Variants in ABI3BP observed in about 807,000 individuals in gnomAD.
ABI3BP encodes ABI family member 3 binding protein.
ABI3BP carries 216 observed loss-of-function variants against 268.6 expected under a neutral mutation model. That is an observed-to-expected ratio of 0.80 (90% CI 0.72 to 0.90). The LOEUF (loss-of-function observed/expected upper bound fraction) is 0.90. Among genes scored for constraint, ABI3BP ranks in the 40% least tolerant of loss-of-function variants. The pLI is 0.00. For synonymous variants in ABI3BP, 730 were observed against 730.0 expected (o/e 1.00, Z 0.00); for missense variants, 2,090 against 2,182.4 (o/e 0.96, Z 0.84).
intron 63 of ABI3BP, among the ~76,000 whole-genome samples, chr3:100,760,735 A>G (rs889349197): frequency 6.6e-5 from 10 of 152,196 alleles, no homozygotes; most frequent in Admixed American, 1.3e-4. Context: ...TCGCAGAACT[A>G]AAGCTAATCA....
chr3:100,953,275 C>T (rs2075734121), intron 1 of ABI3BP, among the ~76,000 whole-genome samples: 1 of 152,154 alleles, frequency 6.6e-6, no homozygotes, highest in East Asian at 1.9e-4. Flanking sequence ...CTGTACAATA[C>T]TACTTTGTTA....
At position 100,876,805 on chromosome 3, in the gene ABI3BP, C is replaced by G. The variant is rs1021672225; in HGVS notation, c.697-245G>C. Among the ~76,000 whole-genome samples, 3 of 145,164 alleles carry G rather than the reference C, an allele frequency of 2.1e-5. No individual in the cohort carries two copies. In the South Asian group the frequency reaches 6.8e-4, roughly 33 times the overall value. On this transcript the variant is annotated intron_variant, in intron 6 of 67. Coordinates refer to ENST00000471714, the MANE Select transcript of ABI3BP (RefSeq NM_001375547.2). ...GACCAGCCTGGCCAACATGGTAAAACCCCATCTCTACTAAAAATACAAAAA... is the reference window on the plus strand; with the variant it reads ...GACCAGCCTGGCCAACATGGTAAAAGCCCATCTCTACTAAAAATACAAAAA...
chr3:100,816,204 T>A, intron 43 of ABI3BP: 1 of 497,926 alleles, frequency 2.0e-6, no homozygotes, highest in East Asian at 3.3e-5. Context: ...ATTATCCACA[T>A]GAGGTTTTCC....
At chr3:100,982,450 A>G (rs931036914) in intron 1 of ABI3BP, among the ~76,000 whole-genome samples, 1 of 151,842 alleles carries the variant, frequency 6.6e-6, no homozygotes, top group African/African-American at 2.4e-5. Context: ...TTTGTTAGAG[A>G]AAAAAACCCT....
At chr3:100,889,028 T>C (rs180929824) in intron 4 of ABI3BP, among the ~76,000 whole-genome samples, 20 of 152,228 alleles carry the variant, frequency 1.3e-4, no homozygotes, top group Non-Finnish European at 7.4e-5. Flanking sequence ...TATCTCTAAG[T>C]AACCAATTAT....
chr3:100,904,130 T>C (rs2051940920), intron 2 of ABI3BP, among the ~76,000 whole-genome samples: 1 of 152,184 alleles, frequency 6.6e-6, no homozygotes, highest in Non-Finnish European at 1.5e-5. Context: ...GAGAACCTTA[T>C]ATTCATAACT....
intron 51 of ABI3BP, among the ~76,000 whole-genome samples, chr3:100,797,720 G>A (rs2097391741): frequency 1.3e-5 from 2 of 151,952 alleles, no homozygotes; most frequent in African/African-American, 4.8e-5. Flanking sequence ...CTAAGTATTA[G>A]TGAAATTACA....
chr3:100,953,217 C>T (rs1382302624), intron 1 of ABI3BP, among the ~76,000 whole-genome samples: 2 of 152,148 alleles, frequency 1.3e-5, no homozygotes, highest in Non-Finnish European at 2.9e-5. Context: ...TAATTACCAA[C>T]CTCATTACCT....
At chr3:100,988,826 A>G (rs2092429902) in intron 1 of ABI3BP, among the ~76,000 whole-genome samples, 1 of 152,232 alleles carries the variant, frequency 6.6e-6, no homozygotes, top group African/African-American at 2.4e-5. Flanking sequence ...ATCTTTACAT[A>G]GAGCAGGGAA....
intron 6 of ABI3BP, among the ~76,000 whole-genome samples, chr3:100,877,262 A>C (rs995312541): frequency 2.0e-5 from 3 of 152,170 alleles, no homozygotes; most frequent in Admixed American, 2.0e-4. Context: ...TTTGAAAACC[A>C]ATCAAGATCA....
At chr3:100,963,121 C>A (rs2079753037) in intron 1 of ABI3BP, among the ~76,000 whole-genome samples, 1 of 152,066 alleles carries the variant, frequency 6.6e-6, no homozygotes, top group African/African-American at 2.4e-5. Context: ...CCCATTTAAT[C>A]TTCATTATAG....
chr3:100,755,957 G>A (rs1462317896), intron 63 of ABI3BP, among the ~76,000 whole-genome samples: 1 of 151,772 alleles, frequency 6.6e-6, no homozygotes, highest in Non-Finnish European at 1.5e-5. Context: ...AGTTTGGTAC[G>A]GATGGTACTA....
chr3:100,847,542 G>A (rs1462860931), intron 19 of ABI3BP, 60 bp downstream of exon 19: 5 of 1,379,922 alleles, frequency 3.6e-6, no homozygotes, highest in Non-Finnish European at 3.1e-6. Flanking sequence ...AAAAGCTGGG[G>A]TACTGGATTT....
At chr3:100,791,270 T>C (rs1330586845) in intron 55 of ABI3BP, among the ~76,000 whole-genome samples, 1 of 151,872 alleles carries the variant, frequency 6.6e-6, no homozygotes, top group Non-Finnish European at 1.5e-5. Flanking sequence ...GGTGACACAA[T>C]ATTCTCTTTA....
In ABI3BP at chr3:100,957,744, A is replaced by G. The variant is rs536197622; in HGVS notation, c.80-31263T>C. ...GAGATGTTAAGCTACTTGCTAAGGG[A>G]GAATCAAACCTTAAATTTGACCCTG... On this transcript the variant is annotated intron_variant, in intron 1 of 67. Coordinates refer to ENST00000471714, the MANE Select transcript of ABI3BP (RefSeq NM_001375547.2). Among the ~76,000 whole-genome samples, 19 of 152,330 alleles carry G rather than the reference A, an allele frequency of 1.2e-4. No homozygotes were observed. In the East Asian group the frequency reaches 2.9e-3, roughly 23 times the overall value.
intron 20 of ABI3BP, among the ~76,000 whole-genome samples, chr3:100,842,614 T>G (rs948605681): frequency 6.6e-6 from 1 of 152,210 alleles, no homozygotes; most frequent in African/African-American, 2.4e-5. Flanking sequence ...TTTGGACTGG[T>G]AAACCAATGA....
At chr3:100,784,822 G>A (rs2096976666) in intron 57 of ABI3BP, among the ~76,000 whole-genome samples, 4 of 152,228 alleles carry the variant, frequency 2.6e-5, no homozygotes, top group Middle Eastern at 3.4e-3. Flanking sequence ...AAAAGTGGGA[G>A]GTAAGCTGTA....
chr3:100,810,509 C>A, intron 48 of ABI3BP, 32 bp from the exon 49 acceptor site: 1 of 1,473,922 alleles, frequency 6.8e-7, no homozygotes, highest in Non-Finnish European at 9.2e-7. Context: ...ACGCGGGTTA[C>A]TATAGCACTT....
rs200377470 is a variant in ABI3BP at position 100,820,323 on chromosome 3, A to G, written c.2948-20T>C. On this transcript the variant is annotated intron_variant, in intron 39 of 67. Transcript: ENST00000471714. ...TAGGAGCTGAAGAAAGAAAACCTTT[A>G]GTTACTACAGAGTCCGTAGCTCCGA... 3.4e-4 allele frequency: 526 copies of G among 1,531,658 alleles called. No homozygotes were observed. The highest frequency in any genetic ancestry group is 4.3e-4 in the Non-Finnish European group (494 of 1,143,310). 94.9% of individuals were successfully genotyped at this position (1,531,658 alleles called of 1,614,324 possible).
Sources: gnomAD v4.1 joint callset for allele counts (sites outside exome capture counted in the v4.1 genomes callset) on GRCh38, gnomAD v4.1.1 for gene constraint, MANE v1.5 for transcripts, NCBI Gene and HGNC (gene_info 2026-07-23, HGNC 2026-07-21) for gene names.